MACROD2: variants seen among roughly 807,000 people sequenced by gnomAD.
MACROD2 encodes mono-ADP ribosylhydrolase 2, also known as ADP-ribose glycohydrolase MACROD2.
Under a neutral mutation model 70.4 loss-of-function variants are expected in MACROD2, and 36 were observed. The observed-to-expected ratio is 0.51, with a 90% CI of 0.39 to 0.68. The LOEUF (loss-of-function observed/expected upper bound fraction) is 0.68. MACROD2 is among the 30% of genes least tolerant of loss of function. The pLI is 0.00. For missense variants in MACROD2, 496 were observed against 538.4 expected (o/e 0.92, Z 0.78); for synonymous variants, 172 against 178.8 (o/e 0.96, Z 0.30).
chr20:14,496,530 A>G (rs994017538), intron 4 of MACROD2, among the ~76,000 whole-genome samples: 2 of 152,312 alleles, frequency 1.3e-5, no homozygotes, highest in Middle Eastern at 3.4e-3. Flanking sequence ...GCTGATTTTA[A>G]AGTGAGAGAT....
chr20:14,539,016 C>T (rs112877248), intron 4 of MACROD2, among the ~76,000 whole-genome samples: 23 of 152,292 alleles, frequency 1.5e-4, no homozygotes, highest in African/African-American at 4.8e-4. Context: ...ATTCAGTAAA[C>T]ATTTCACATA....
At chr20:14,816,245 T>C (rs939253985) in intron 5 of MACROD2, among the ~76,000 whole-genome samples, 5 of 152,010 alleles carry the variant, frequency 3.3e-5, no homozygotes, top group African/African-American at 1.2e-4. Context: ...AGATGAGGGA[T>C]ATAAGAATCA....
chr20:14,057,367 A>G (rs2053642575), intron 2 of MACROD2, among the ~76,000 whole-genome samples: 1 of 152,236 alleles, frequency 6.6e-6, no homozygotes, highest in African/African-American at 2.4e-5. Context: ...TAATATATAT[A>G]TCTGACAGAT....
chr20:14,531,974 C>A (rs946501897), intron 4 of MACROD2, among the ~76,000 whole-genome samples: 4 of 152,112 alleles, frequency 2.6e-5, no homozygotes, highest in African/African-American at 7.2e-5. Flanking sequence ...AGCCAGCACT[C>A]GACGTTCACT....
intron 9 of MACROD2, among the ~76,000 whole-genome samples, chr20:15,880,435 A>G (rs971513937): frequency 6.6e-6 from 1 of 151,730 alleles, no homozygotes; most frequent in African/African-American, 2.4e-5. Context: ...AAGTAGAAGT[A>G]TGTTGGGGCG....
At chr20:14,188,554 A>G (rs545653928) in intron 3 of MACROD2, among the ~76,000 whole-genome samples, 93 of 152,260 alleles carry the variant, frequency 6.1e-4, no homozygotes, top group Admixed American at 3.9e-3. Flanking sequence ...TTTTCTTATA[A>G]AAACAAATTT....
intron 2 of MACROD2, among the ~76,000 whole-genome samples, chr20:14,041,693 A>C (rs2053393104): frequency 6.6e-6 from 1 of 152,178 alleles, no homozygotes; most frequent in Non-Finnish European, 1.5e-5. Flanking sequence ...TGAGTAGAAA[A>C]GTAGACTTGC....
intron 3 of MACROD2, among the ~76,000 whole-genome samples, chr20:14,205,083 G>C (rs2081512042): frequency 6.6e-6 from 1 of 152,154 alleles, no homozygotes; most frequent in Admixed American, 6.5e-5. Context: ...GGAAAAGATA[G>C]ATTTGATCAA....
In MACROD2 at chr20:15,917,992, G is replaced by A. The variant is rs189059795; in HGVS notation, c.776-15284G>A. Among the ~76,000 whole-genome samples the A allele has an allele frequency of 2.6e-3, 395 of 152,256 alleles. 4 individuals are homozygous for A. Among genetic ancestry groups the A allele is most frequent in the African/African-American group, 9.0e-3 (372 of 41,564 alleles). On this transcript the variant is annotated intron_variant, in intron 10 of 17. Coordinates refer to ENST00000684519, the MANE Select transcript of MACROD2 (RefSeq NM_001351661.2). ...AGTACTGCAAAATTGCTGACTCGAG[G>A]TCCTACATGAAAACTGTGCAGAGAC...
intron 12 of MACROD2, among the ~76,000 whole-genome samples, chr20:15,961,188 G>A (rs2066055551): frequency 6.6e-6 from 1 of 152,104 alleles, no homozygotes; most frequent in Admixed American, 6.6e-5. Context: ...GAAAAAGTAA[G>A]CACATGGGGG....
At chr20:15,566,019 T>G (rs181472539) in intron 8 of MACROD2, among the ~76,000 whole-genome samples, 749 of 152,298 alleles carry the variant, frequency 4.9e-3, no homozygotes, top group Admixed American at 6.9e-3. Context: ...TCTCTGAGCT[T>G]CTTTCAGCAC....
At chr20:15,525,027 T>C (rs143816914) in intron 8 of MACROD2, among the ~76,000 whole-genome samples, 4 of 152,360 alleles carry the variant, frequency 2.6e-5, no homozygotes, top group African/African-American at 9.6e-5. Flanking sequence ...GGCCAACAGT[T>C]ACTGCGATTG....
intron 8 of MACROD2, among the ~76,000 whole-genome samples, chr20:15,855,657 T>C (rs2064348661): frequency 6.6e-6 from 1 of 152,178 alleles, no homozygotes; most frequent in African/African-American, 2.4e-5. Context: ...CCCAGGCATT[T>C]CCCTAGGTCT....
At chr20:15,636,071 C>CAAAAAAAAA (rs1178846767) in intron 8 of MACROD2, among the ~76,000 whole-genome samples, 475 of 27,850 alleles carry the variant, frequency 0.017, 27 homozygotes, top group East Asian at 0.051. Flanking sequence ...GGCTCCCTCT[C>CAAAAAAAAA]AAAAGAAAAA....
chr20:15,358,758 C>A (rs558735340), intron 6 of MACROD2, among the ~76,000 whole-genome samples: 1 of 151,840 alleles, frequency 6.6e-6, no homozygotes, highest in African/African-American at 2.4e-5. Context: ...GGCCTGCAGA[C>A]GGTTGACTTC....
At chr20:15,443,269 A>C (rs2046519717) in intron 7 of MACROD2, among the ~76,000 whole-genome samples, 1 of 151,874 alleles carries the variant, frequency 6.6e-6, no homozygotes, top group Non-Finnish European at 1.5e-5. Context: ...ATGTGAGTTT[A>C]GGGCAGAGTC....
intron 12 of MACROD2, among the ~76,000 whole-genome samples, chr20:15,956,464 TC>T (rs1347735551): frequency 6.6e-6 from 1 of 152,174 alleles, no homozygotes; most frequent in East Asian, 1.9e-4. Context: ...GAGCTGTGCA[TC>T]CCTCCTCATC....
intron 8 of MACROD2, among the ~76,000 whole-genome samples, chr20:15,724,040 G>A (rs1327996033): frequency 2.6e-5 from 4 of 152,134 alleles, no homozygotes; most frequent in Non-Finnish European, 5.9e-5. Flanking sequence ...ACATGATGTA[G>A]TACATTTTTC....
At chr20:15,748,301 C>G (rs1265969010) in intron 8 of MACROD2, among the ~76,000 whole-genome samples, 1 of 152,106 alleles carries the variant, frequency 6.6e-6, no homozygotes, top group Non-Finnish European at 1.5e-5. Context: ...AGTTCAAATA[C>G]ATGAAAGAGC....
Sources: allele counts gnomAD v4.1 joint callset (sites outside exome capture counted in the v4.1 genomes callset), GRCh38; gene constraint gnomAD v4.1.1; transcripts MANE v1.5; gene names NCBI Gene and HGNC (gene_info 2026-07-23, HGNC 2026-07-21).